ANXA8: variants seen among roughly 807,000 people sequenced by gnomAD.
The protein encoded by ANXA8 is VAC-beta.
In ANXA8, 9 loss-of-function variants were observed where a neutral mutation model predicts 26.8. The ratio of observed to expected loss-of-function variants is 0.34; its 90% confidence interval spans 0.20 to 0.59. The LOEUF is 0.59. Among genes scored for constraint, ANXA8 ranks in the 20% least tolerant of loss-of-function variants. ANXA8 has a pLI of 0.84. For synonymous variants in ANXA8, 39 were observed against 94.8 expected, an observed-to-expected ratio of 0.41 and a Z score of 3.42; for missense variants, 83 against 238.5, an observed-to-expected ratio of 0.35 and a Z score of 4.29.
At chr10:47,763,767 T>G in the ANXA8 span, among the ~76,000 whole-genome samples, 1 of 131,394 alleles carries the variant, frequency 7.6e-6, no homozygotes, top group Non-Finnish European at 1.6e-5. Flanking sequence ...TGTGTGTATC[T>G]GTGGTGCAGG....
At chr10:47,566,388 A>AG in the ANXA8 span, among the ~76,000 whole-genome samples, 235 of 150,778 alleles carry the variant, frequency 1.6e-3, no homozygotes, top group Non-Finnish European at 2.8e-4. Context: ...AGAAAGTTGA[A>AG]AAAAAAAAAA....
At chr10:47,672,604 T>C in the ANXA8 span, among the ~76,000 whole-genome samples, 15 of 151,764 alleles carry the variant, frequency 9.9e-5, no homozygotes, top group Admixed American at 2.6e-4. Context: ...GAGGAGACAG[T>C]TAAAAAATGG....
At chr10:47,771,975 TAAG>T in the ANXA8 span, among the ~76,000 whole-genome samples, 5 of 151,720 alleles carry the variant, frequency 3.3e-5, no homozygotes, top group African/African-American at 1.2e-4. Context: ...GCTTACACCA[TAAG>T]AAGATTTGCT....
the ANXA8 span, among the ~76,000 whole-genome samples, chr10:47,945,161 C>T: frequency 6.7e-6 from 1 of 150,016 alleles, no homozygotes; most frequent in Non-Finnish European, 1.5e-5. Context: ...TGGGCATAGC[C>T]ATGCCCTCAC....
At chr10:47,495,968 C>A in the ANXA8 span, among the ~76,000 whole-genome samples, 1 of 151,564 alleles carries the variant, frequency 6.6e-6, no homozygotes, top group African/African-American at 2.4e-5. Context: ...GGTGTGGGAT[C>A]TGAGAGCACG....
At chr10:47,772,006 C>CTA in the ANXA8 span, among the ~76,000 whole-genome samples, 1 of 151,870 alleles carries the variant, frequency 6.6e-6, no homozygotes, top group South Asian at 2.1e-4. Flanking sequence ...TTCATTAGCT[C>CTA]TAAGATGTCA....
At chr10:47,688,700 C>T in the ANXA8 span, among the ~76,000 whole-genome samples, 3 of 151,482 alleles carry the variant, frequency 2.0e-5, no homozygotes, top group South Asian at 2.1e-4. Context: ...TGATTACAGG[C>T]GTGAACCACT....
chr10:47,946,131 A>T, the ANXA8 span, among the ~76,000 whole-genome samples: 59 of 149,382 alleles, frequency 3.9e-4, 2 homozygotes, highest in African/African-American at 1.2e-3. Flanking sequence ...GGGCCTTTGC[A>T]CGTACTGTGC....
chr10:47,716,240 G>GCTA, the ANXA8 span, among the ~76,000 whole-genome samples: 1 of 115,722 alleles, frequency 8.6e-6, no homozygotes, highest in Non-Finnish European at 1.7e-5. Context: ...AAGCAAAAAG[G>GCTA]CTACCACTTG....
chr10:47,568,523 C>T, the ANXA8 span, among the ~76,000 whole-genome samples: 745 of 25,430 alleles, frequency 0.029, 13 homozygotes, highest in African/African-American at 0.049. Context: ...TCATTTTCTG[C>T]TTTGTTTGGT....
At chr10:47,498,050 C>G in the ANXA8 span, among the ~76,000 whole-genome samples, 1 of 150,698 alleles carries the variant, frequency 6.6e-6, no homozygotes, top group African/African-American at 2.5e-5. Context: ...AAGGAGAGCC[C>G]TTGGGTTGGG....
chr10:47,595,456 C>A, the ANXA8 span, among the ~76,000 whole-genome samples: 1 of 148,982 alleles, frequency 6.7e-6, no homozygotes, highest in Non-Finnish European at 1.5e-5. Flanking sequence ...GCTTAAAAGA[C>A]ATACAGTGGC....
chr10:47,673,634 C>A, the ANXA8 span, among the ~76,000 whole-genome samples: 2 of 151,742 alleles, frequency 1.3e-5, no homozygotes, highest in African/African-American at 4.9e-5. Flanking sequence ...GCGCTTAATG[C>A]AGAGATAGAG....
At chr10:47,565,741 G>A in the ANXA8 span, 2 of 573,298 alleles carry the variant, frequency 3.5e-6, no homozygotes, top group Non-Finnish European at 5.3e-6. Context: ...GGCGTGCAAG[G>A]GCCGGGCAGG....
the ANXA8 span, among the ~76,000 whole-genome samples, chr10:47,687,680 T>C: frequency 6.6e-6 from 1 of 151,982 alleles, no homozygotes; most frequent in Non-Finnish European, 1.5e-5. Context: ...GTAAATCTAA[T>C]AATGACATGC....
At chr10:47,666,146 T>C in the ANXA8 span, among the ~76,000 whole-genome samples, 1 of 148,954 alleles carries the variant, frequency 6.7e-6, no homozygotes, top group Admixed American at 6.7e-5. Flanking sequence ...TTCTCTTGGA[T>C]ATGGATCATC....
the ANXA8 span, among the ~76,000 whole-genome samples, chr10:47,654,257 C>T: frequency 1.4e-5 from 2 of 145,876 alleles, no homozygotes; most frequent in Non-Finnish European, 3.0e-5. Flanking sequence ...AGATAGTTTT[C>T]TGAAAGTTTT....
chr10:47,563,476 G>C, the ANXA8 span: 1 of 584,442 alleles, frequency 1.7e-6, no homozygotes, highest in South Asian at 2.0e-5. Flanking sequence ...ACATAGCTTG[G>C]GTATAAAATG....
the ANXA8 span, among the ~76,000 whole-genome samples, chr10:47,657,956 C>G: frequency 6.6e-6 from 1 of 151,772 alleles, no homozygotes; most frequent in Non-Finnish European, 1.5e-5. Flanking sequence ...TCACTGTTGT[C>G]ATTTAAAATC....
Sources: allele counts gnomAD v4.1 joint callset (sites outside exome capture counted in the v4.1 genomes callset), GRCh38; gene constraint gnomAD v4.1.1; transcripts MANE v1.5; gene names NCBI Gene and HGNC (gene_info 2026-07-23, HGNC 2026-07-21).